EYA2: variants seen among roughly 807,000 people sequenced by gnomAD.
The protein encoded by EYA2 is protein phosphatase EYA2.
A neutral mutation model predicts 69.2 loss-of-function variants in EYA2; 31 were observed. That is an observed-to-expected ratio of 0.45 (90% confidence interval 0.34 to 0.60). EYA2 has a LOEUF of 0.60. EYA2 is among the 20% of genes least tolerant of loss of function. The pLI is 0.02. For missense variants in EYA2, 622 were observed against 701.2 expected (o/e 0.89, Z 1.28); for synonymous variants, 257 against 279.4 (o/e 0.92, Z 0.80).
intron 5 of EYA2, among the ~76,000 whole-genome samples, chr20:47,017,039 G>A (rs76388435): frequency 0.017 from 2,531 of 152,254 alleles, 72 homozygotes; most frequent in African/African-American, 0.057. Flanking sequence ...TGGCCTTAAG[G>A]AAGAAAGAAC....
intron 10 of EYA2, among the ~76,000 whole-genome samples, chr20:47,148,028 C>T (rs2033740465): frequency 1.5e-5 from 2 of 136,904 alleles, no homozygotes; most frequent in Non-Finnish European, 3.1e-5. Flanking sequence ...CACTGTACTC[C>T]AGCCTGGGCG....
intron 5 of EYA2, among the ~76,000 whole-genome samples, chr20:47,062,022 C>T (rs1393673782): frequency 3.9e-5 from 6 of 152,152 alleles, no homozygotes; most frequent in Non-Finnish European, 7.3e-5. Flanking sequence ...CCATGATCCA[C>T]GATGGGACTG....
At chr20:46,996,236 A>G (rs954332520) in intron 2 of EYA2, among the ~76,000 whole-genome samples, 4 of 152,212 alleles carry the variant, frequency 2.6e-5, no homozygotes, top group Non-Finnish European at 5.9e-5. Flanking sequence ...TGAAGCTTTA[A>G]TTTCCTCTCT....
chr20:47,109,288 C>T lies in EYA2; in HGVS notation c.888+12120C>T, dbSNP rs1568783497. On this transcript the variant is annotated intron_variant, in intron 9 of 15. Transcript: ENST00000327619. ...ATTTTATTATTTTCTTAAGTTAAGC[C>T]TCAAAGGCACAGCTTGAGTTATTCA... 2.0e-5 allele frequency among the ~76,000 whole-genome samples: 3 copies of T among 152,124 alleles called. No homozygotes were observed. The South Asian group carries it at 6.2e-4, about 31-fold the overall frequency.
At chr20:47,161,263 G>T in intron 10 of EYA2, 1 of 536,926 alleles carries the variant, frequency 1.9e-6, no homozygotes, top group Non-Finnish European at 3.5e-6. Context: ...AGCCCAGGAT[G>T]ATGGCCCCGC....
chr20:47,065,258 G>C (rs141302748), intron 5 of EYA2, among the ~76,000 whole-genome samples: 77 of 152,280 alleles, frequency 5.1e-4, no homozygotes, highest in African/African-American at 1.8e-3. Flanking sequence ...GCCACCTCCA[G>C]GCACCATATT....
intron 13 of EYA2, 137 bp from the exon 14 acceptor site, chr20:47,180,678 G>T (rs2034521163): frequency 1.9e-6 from 2 of 1,030,686 alleles, no homozygotes; most frequent in Non-Finnish European, 2.9e-6. Context: ...GAATCCTTGG[G>T]CCCTAACATA....
chr20:47,108,823 G>A (rs754728346), intron 9 of EYA2, among the ~76,000 whole-genome samples: 2 of 151,996 alleles, frequency 1.3e-5, no homozygotes, highest in Non-Finnish European at 2.9e-5. Context: ...CCAAGGTGCT[G>A]GGATTACAGG....
chr20:47,040,845 G>A (rs890060736), intron 5 of EYA2, among the ~76,000 whole-genome samples: 6 of 152,152 alleles, frequency 3.9e-5, no homozygotes, highest in Non-Finnish European at 5.9e-5. Flanking sequence ...GGGTTAGGGG[G>A]GAGGTTAAAA....
chr20:47,150,429 C>G (rs2033800203), intron 10 of EYA2, among the ~76,000 whole-genome samples: 1 of 152,204 alleles, frequency 6.6e-6, no homozygotes, highest in Admixed American at 6.5e-5. Context: ...GCCAGAAAGG[C>G]AGCTCTTCCA....
intron 9 of EYA2, among the ~76,000 whole-genome samples, chr20:47,116,474 G>A (rs191145467): frequency 4.6e-5 from 7 of 151,916 alleles, no homozygotes; most frequent in South Asian, 2.1e-4. Flanking sequence ...CACTGCGCCC[G>A]GCCCACCATC....
intron 5 of EYA2, among the ~76,000 whole-genome samples, chr20:47,052,848 T>C (rs1329794856): frequency 1.3e-5 from 2 of 152,130 alleles, no homozygotes; most frequent in Non-Finnish European, 2.9e-5. Context: ...GATCTCAAAC[T>C]CCTGGCCTCA....
intron 9 of EYA2, among the ~76,000 whole-genome samples, chr20:47,134,381 T>C (rs937783642): frequency 2.0e-5 from 3 of 152,190 alleles, no homozygotes; most frequent in Non-Finnish European, 4.4e-5. Flanking sequence ...CTAAGCAACA[T>C]TGAACAAGCT....
At chr20:47,068,427 C>T (rs75415140) in intron 5 of EYA2, among the ~76,000 whole-genome samples, 3 of 152,338 alleles carry the variant, frequency 2.0e-5, no homozygotes, top group Non-Finnish European at 4.4e-5. Flanking sequence ...TGCCTTCCCT[C>T]TTTGTGCCTC....
chr20:47,089,084 A>G (rs912454822), intron 7 of EYA2, among the ~76,000 whole-genome samples, 155 bp from the exon 8 acceptor site: 1 of 152,164 alleles, frequency 6.6e-6, no homozygotes, highest in Non-Finnish European at 1.5e-5. Flanking sequence ...AATTTAAGGG[A>G]CTTCCAAGGG....
At chr20:47,045,994 T>C (rs530168221) in intron 5 of EYA2, among the ~76,000 whole-genome samples, 1 of 152,332 alleles carries the variant, frequency 6.6e-6, no homozygotes, top group African/African-American at 2.4e-5. Context: ...TTTGGGCTGC[T>C]ATAACAAACA....
intron 9 of EYA2, among the ~76,000 whole-genome samples, chr20:47,134,038 T>A (rs149102125): frequency 1.5e-4 from 23 of 152,352 alleles, no homozygotes; most frequent in Admixed American, 4.6e-4. Context: ...AGACATTTCT[T>A]AAGGAATGTG....
intron 5 of EYA2, among the ~76,000 whole-genome samples, chr20:47,045,006 A>T (rs2029957537): frequency 6.6e-6 from 1 of 152,244 alleles, no homozygotes; most frequent in South Asian, 2.1e-4. Flanking sequence ...AGGAACTGTA[A>T]CTGGGCCTGG....
chr20:47,013,293 G>T lies in EYA2; in HGVS notation c.299-2888G>T, dbSNP rs6066162. ...CTGCATGCTACTCGGGGCTGACTTA[G>T]GTCATAGAAGACCTTTCTAGGGAAA... On this transcript the variant is annotated intron_variant, in intron 4 of 15. Transcript: ENST00000327619. Among the ~76,000 whole-genome samples the T allele has an allele frequency of 2.6e-5, 4 of 152,288 alleles. No homozygotes were observed. In the South Asian group the frequency reaches 6.2e-4, roughly 24 times the overall value.
Sources: allele counts gnomAD v4.1 joint callset (sites outside exome capture counted in the v4.1 genomes callset), GRCh38; gene constraint gnomAD v4.1.1; transcripts MANE v1.5; gene names NCBI Gene and HGNC (gene_info 2026-07-23, HGNC 2026-07-21).